XRCC4: variants seen among roughly 807,000 people sequenced by gnomAD.
XRCC4 encodes X-ray repair cross complementing 4.
A neutral mutation model predicts 39.1 loss-of-function variants in XRCC4; 28 were observed. The observed-to-expected ratio is 0.72, with a 90% CI of 0.53 to 0.98. The LOEUF (loss-of-function observed/expected upper bound fraction) is 0.98, where lower values mean the gene tolerates loss of function less well. Ranked by LOEUF, XRCC4 falls within the 50% of genes least tolerant of loss-of-function variation. The pLI is 0.00. For synonymous variants in XRCC4, 123 were observed against 126.4 expected, an observed-to-expected ratio of 0.97 and a Z score of 0.18; for missense variants, 350 against 376.4, an observed-to-expected ratio of 0.93 and a Z score of 0.58.
At chr5:83,113,031 AC>A (rs1701790324) in intron 3 of XRCC4, among the ~76,000 whole-genome samples, 1 of 152,134 alleles carries the variant, frequency 6.6e-6, no homozygotes, top group Non-Finnish European at 1.5e-5. Context: ...GCATTAACTC[AC>A]AAGTCCACAG....
chr5:83,232,510 G>A (rs2112820098), intron 6 of XRCC4, among the ~76,000 whole-genome samples: 1 of 152,162 alleles, frequency 6.6e-6, no homozygotes, highest in South Asian at 2.1e-4. Context: ...TACAAGAGCA[G>A]GAGCATAGCT....
At chr5:83,296,381 G>A (rs944887910) in intron 7 of XRCC4, among the ~76,000 whole-genome samples, 2 of 151,984 alleles carry the variant, frequency 1.3e-5, no homozygotes, top group African/African-American at 4.8e-5. Context: ...CCTTAATTAT[G>A]ACAGTCTTGC....
chr5:83,203,771 G>A (rs2112729332), intron 5 of XRCC4, 64 bp downstream of exon 5: 2 of 1,576,198 alleles, frequency 1.3e-6, no homozygotes, highest in Admixed American at 1.8e-5. Context: ...TCTTCCCAAA[G>A]TTAATGAACA....
In XRCC4 at chr5:83,264,402, A is replaced by G. The variant is rs375585289; in HGVS notation, c.893+5725A>G. On this transcript the variant is annotated intron_variant, in intron 7 of 7. Transcript: ENST00000396027. ...AAGAAAGTTATTTGTTTGCTTTCTG[A>G]TATCTTCTTCCTATGTTTTTATTAT... is the stretch of plus-strand genomic sequence containing the variant. Among the ~76,000 whole-genome samples, 3 of 152,032 alleles carry G rather than the reference A, an allele frequency of 2.0e-5. No individual in the cohort carries two copies. The East Asian group carries it at 5.8e-4, about 29-fold the overall frequency.
At chr5:83,182,092 T>C (rs1020092301) in intron 3 of XRCC4, among the ~76,000 whole-genome samples, 1 of 152,062 alleles carries the variant, frequency 6.6e-6, no homozygotes, top group Non-Finnish European at 1.5e-5. Context: ...CTTTGTAATC[T>C]CCTCTAGTGT....
intron 6 of XRCC4, among the ~76,000 whole-genome samples, chr5:83,216,481 A>G (rs1003811368): frequency 6.6e-6 from 1 of 152,236 alleles, no homozygotes; most frequent in Non-Finnish European, 1.5e-5. Context: ...GAAGAGAAAT[A>G]AGAACATACG....
chr5:83,098,728 A>G lies in XRCC4; in HGVS notation c.-10-6182A>G, dbSNP rs1379540505. Among the ~76,000 whole-genome samples, 4 of 152,144 alleles carry G rather than the reference A, an allele frequency of 2.6e-5. No individual in the cohort carries two copies. In the East Asian group the frequency reaches 7.7e-4, roughly 29 times the overall value. ...ACACTAACCAGCAAGTTGGCAGGCT[A>G]TTAATAATGAAAATACTAGCAATAA... is the stretch of plus-strand genomic sequence containing the variant. On this transcript the variant is annotated intron_variant, in intron 1 of 7. Transcript: ENST00000396027.
intron 3 of XRCC4, among the ~76,000 whole-genome samples, chr5:83,133,004 TC>T (rs1257177458): frequency 2.0e-5 from 3 of 152,108 alleles, no homozygotes; most frequent in Admixed American, 6.6e-5. Flanking sequence ...CTCTGGTTTT[TC>T]CCCATCTTTG....
downstream of XRCC4, among the ~76,000 whole-genome samples, chr5:83,354,008 T>C (rs973125589): frequency 2.0e-5 from 3 of 152,340 alleles, no homozygotes; most frequent in African/African-American, 7.2e-5. Flanking sequence ...TCACTGTTTC[T>C]GCTTCTTAAC....
chr5:83,316,299 G>A (rs941606638), intron 7 of XRCC4, among the ~76,000 whole-genome samples: 3 of 152,066 alleles, frequency 2.0e-5, no homozygotes, highest in Non-Finnish European at 2.9e-5. Flanking sequence ...ATCAACTAAC[G>A]AGCAAAATCA....
chr5:83,204,774 G>T (rs764985076), intron 5 of XRCC4, 41 bp from the exon 6 acceptor site: 4 of 1,507,942 alleles, frequency 2.7e-6, no homozygotes, highest in South Asian at 1.2e-5. Context: ...CTAGCAGGGG[G>T]TGAGCCAGTT....
At chr5:83,237,742 CAAA>C (rs1325940772) in intron 6 of XRCC4, among the ~76,000 whole-genome samples, 3 of 152,058 alleles carry the variant, frequency 2.0e-5, no homozygotes, top group Admixed American at 6.5e-5. Flanking sequence ...GTTTCTCACA[CAAA>C]GAAGTGATAA....
chr5:83,323,588 A>AT (rs146144152), intron 7 of XRCC4, among the ~76,000 whole-genome samples: 7,356 of 149,718 alleles, frequency 0.049, 577 homozygotes, highest in African/African-American at 0.17. Context: ...TCTTCTCTTC[A>AT]TTTTTTTTTT....
At chr5:83,291,465 A>G (rs958604182) in intron 7 of XRCC4, among the ~76,000 whole-genome samples, 1 of 151,858 alleles carries the variant, frequency 6.6e-6, no homozygotes, top group African/African-American at 2.4e-5. Context: ...AAGGATAAGA[A>G]AGAACAATGA....
intron 3 of XRCC4, among the ~76,000 whole-genome samples, chr5:83,114,580 G>A (rs936645001): frequency 7.9e-5 from 12 of 152,260 alleles, no homozygotes; most frequent in African/African-American, 2.2e-4. Flanking sequence ...CCTGGACTTC[G>A]TTGTCTGTAT....
intron 6 of XRCC4, among the ~76,000 whole-genome samples, chr5:83,232,500 T>C (rs1032463563): frequency 2.6e-5 from 4 of 152,026 alleles, no homozygotes; most frequent in Admixed American, 2.0e-4. Context: ...GCCAAAAAAC[T>C]ACAAGAGCAG....
At chr5:83,321,020 A>G (rs533559944) in intron 7 of XRCC4, among the ~76,000 whole-genome samples, 2 of 152,092 alleles carry the variant, frequency 1.3e-5, no homozygotes, top group African/African-American at 4.8e-5. Context: ...CACATTGGCC[A>G]GGCTGGTCTG....
intron 3 of XRCC4, among the ~76,000 whole-genome samples, chr5:83,134,046 G>A (rs933088317): frequency 6.6e-6 from 1 of 152,206 alleles, no homozygotes; most frequent in African/African-American, 2.4e-5. Context: ...CAGTCTTCAC[G>A]GCCGGCTAGC....
intron 6 of XRCC4, among the ~76,000 whole-genome samples, chr5:83,257,139 T>G (rs540992868): frequency 3.9e-5 from 6 of 152,270 alleles, no homozygotes; most frequent in African/African-American, 1.4e-4. Flanking sequence ...TGCAAGCTTT[T>G]CTGCCAGAAT....
Sources: gnomAD v4.1 joint callset for allele counts (sites outside exome capture counted in the v4.1 genomes callset) on GRCh38, gnomAD v4.1.1 for gene constraint, MANE v1.5 for transcripts, NCBI Gene and HGNC (gene_info 2026-07-23, HGNC 2026-07-21) for gene names.